CYB561D1: variants seen among roughly 807,000 people sequenced by gnomAD.
CYB561D1 encodes cytochrome b561 family member D1.
CYB561D1 carries 15 observed loss-of-function variants against 19.2 expected under a neutral mutation model. That is an observed-to-expected ratio of 0.78 (90% CI 0.52 to 1.20). The LOEUF (loss-of-function observed/expected upper bound fraction) is 1.20, where lower values mean the gene tolerates loss of function less well. Among genes scored for constraint, CYB561D1 ranks in the 50% most tolerant of loss-of-function variants. The probability of loss-of-function intolerance (pLI) is 0.00; values close to 1 mark genes in which losing one functional copy is unlikely to be tolerated. For synonymous variants in CYB561D1, 133 were observed against 120.6 expected (o/e 1.10, Z -0.68); for missense variants, 297 against 287.3 (o/e 1.03, Z -0.24).
Position 109,494,103 on chromosome 1 carries a change from C to T in CYB561D1, c.-37C>T. ...CGATCGCAAACCCGGAAGACGTGTT[C>T]GGGCAGCTGGAGTGTACGGGCCCGC... On this transcript the variant is annotated 5_prime_UTR_variant, in exon 1 of 3. Transcript: ENST00000420578. 2 of 1,410,688 alleles carry T rather than the reference C, an allele frequency of 1.4e-6. No individual in the cohort carries two copies. Among genetic ancestry groups the T allele is most frequent in the East Asian group, 2.8e-5 (1 of 35,572 alleles). 87.4% of individuals were successfully genotyped at this position (1,410,688 alleles called of 1,614,324 possible).
At chr1:109,494,765 AGGTGGAGGCTG>A in intron 1 of CYB561D1, 1 of 419,888 alleles carries the variant, frequency 2.4e-6, no homozygotes, top group African/African-American at 2.1e-5. Flanking sequence ...TGAACCCGGG[AGGTGGAGGCTG>A]CAGTGAGCCG....
At chr1:109,494,972 T>G (rs1571107064) in intron 1 of CYB561D1, among the ~76,000 whole-genome samples, 171 bp from the exon 2 acceptor site, 2 of 152,222 alleles carry the variant, frequency 1.3e-5, no homozygotes. Context: ...GAGGCCCTCT[T>G]GGTTGCTCAC....
At chr1:109,494,514 C>T (rs1397344438) in intron 1 of CYB561D1, 13 of 1,528,808 alleles carry the variant, frequency 8.5e-6, no homozygotes, top group Non-Finnish European at 1.1e-5. Context: ...CGAACTACTT[C>T]CTCAGAAACA....
intron 1 of CYB561D1, chr1:109,494,682 C>CA (rs1657406887): frequency 1.1e-6 from 1 of 903,374 alleles, no homozygotes; most frequent in Non-Finnish European, 1.5e-6. Flanking sequence ...ACTAAGAATA[C>CA]AAAAATTAGC....
chr1:109,496,199 C>T lies in CYB561D1; in HGVS notation c.630C>T (p.Ala210=), dbSNP rs1657553968. The change falls in exon 3 of 3, where the codon GCC becomes GCT. Residue 210 remains alanine, a synonymous_variant. Transcript: ENST00000420578. ...GCCTGGCACTGCCCGTCTATCCAGC[C>T]CTGGTGATCATGCACCAGATTTCCA... ...YLCLALPVYP[A]LVIMHQISRS... The T allele has an allele frequency of 1.9e-6, 3 of 1,589,440 alleles. No homozygotes were observed. Among genetic ancestry groups the T allele is most frequent in the East Asian group, 2.3e-5 (1 of 44,274 alleles).
rs1657713060 is a variant in CYB561D1, at chr1:109,498,675, T to C, written c.*2416T>C. On this transcript the variant is annotated 3_prime_UTR_variant, in exon 3 of 3. Coordinates refer to ENST00000420578, the MANE Select transcript of CYB561D1 (RefSeq NM_182580.3). ...CCAGCTGCATGGGCTCCTGCTTGTG[T>C]GTTCCCTCCTCCGCCATCCTCTGTT... 1 of 152,320 alleles carries C rather than the reference T, an allele frequency of 6.6e-6. No individual in the cohort carries two copies. The highest frequency in any genetic ancestry group is 1.5e-5 in the Non-Finnish European group (1 of 68,190). The allele number at this position is 152,320 out of a possible 1,614,324, so 9.4% of individuals were successfully genotyped here. A position where few individuals can be genotyped will look rare whatever the true frequency, so the allele number is the denominator to read the frequency against.
Position 109,496,302 on chromosome 1 carries a change from C to T in CYB561D1, c.*43C>T. 1.3e-6 allele frequency: 2 copies of T among 1,521,648 alleles called. No individual in the cohort carries two copies. The highest frequency in any genetic ancestry group is 2.1e-5 in the Admixed American group (1 of 48,166). 94.3% of individuals were successfully genotyped at this position (1,521,648 alleles called of 1,614,324 possible). A position where few individuals can be genotyped will look rare whatever the true frequency, so the allele number is the denominator to read the frequency against. On this transcript the variant is annotated 3_prime_UTR_variant, in exon 3 of 3. Coordinates refer to ENST00000420578, the MANE Select transcript of CYB561D1 (RefSeq NM_182580.3). The stretch of plus-strand genomic sequence containing the variant: ...ATCTAGGTGGGACGCTTGCCTTGAA[C>T]ATCATGGTTCCTTTGGTGATCTATA...
rs1325636359 is a variant in CYB561D1 at position 109,497,368 on chromosome 1, C to G, written c.*1109C>G. 1 of 152,232 alleles carries G rather than the reference C, an allele frequency of 6.6e-6. No homozygotes were observed. The highest frequency in any genetic ancestry group is 1.5e-5 in the Non-Finnish European group (1 of 68,056). 9.4% of individuals were successfully genotyped at this position (152,232 alleles called of 1,614,324 possible). ...AAGTTTCTCTGGTTACCCCTCTTCC[C>G]TTGTTATCTAAGCTTTCCTCAGTTG... is the stretch of plus-strand genomic sequence containing the variant. On this transcript the variant is annotated 3_prime_UTR_variant, in exon 3 of 3. Coordinates refer to ENST00000420578, the MANE Select transcript of CYB561D1 (RefSeq NM_182580.3).
At position 109,499,198 on chromosome 1, in the gene CYB561D1, CCTT is replaced by C. The variant is rs1657757157; in HGVS notation, c.*2943_*2945del. ...TATCTGGGGAAGTCCTCCAGCCTCA[CCTT>C]CTTGGCTCTTAAGTGGTAGGCTGTT... On this transcript the variant is annotated 3_prime_UTR_variant, in exon 3 of 3. Transcript: ENST00000420578. The C allele has an allele frequency of 6.6e-6, 1 of 152,248 alleles. No homozygotes were observed. The highest frequency in any genetic ancestry group is 2.4e-5 in the African/African-American group (1 of 41,398). 9.4% of individuals were successfully genotyped at this position (152,248 alleles called of 1,614,324 possible). A position where few individuals can be genotyped will look rare whatever the true frequency, so the allele number is the denominator to read the frequency against.
In CYB561D1 at chr1:109,495,691, C is replaced by T. The variant is rs546131664; in HGVS notation, c.187-65C>T. On this transcript the variant is annotated intron_variant, in intron 2 of 2. Coordinates refer to ENST00000420578, the MANE Select transcript of CYB561D1 (RefSeq NM_182580.3). ...TCCTCTTTGTTAGGATGTATGAGAGCACCTCCTTTTTCTCAGGCCTCCAAG... is the reference window on the plus strand; with the variant it reads ...TCCTCTTTGTTAGGATGTATGAGAGTACCTCCTTTTTCTCAGGCCTCCAAG... 2.3e-5 allele frequency: 37 copies of T among 1,613,322 alleles called. 1 individual carries two copies. The Middle Eastern group carries it at 6.6e-4, about 29-fold the overall frequency.
rs770034785 is a variant in CYB561D1 at position 109,497,404 on chromosome 1, C to G, written c.*1145C>G. Reference sequence around the variant, plus strand: ...AGCTTTCCTCAGTTGTCATCTCTTCCCAGCTCTTTGGTCCAAGAGGGGGCT... The same window carrying G: ...AGCTTTCCTCAGTTGTCATCTCTTCGCAGCTCTTTGGTCCAAGAGGGGGCT... On this transcript the variant is annotated 3_prime_UTR_variant, in exon 3 of 3. Coordinates refer to ENST00000420578, the MANE Select transcript of CYB561D1 (RefSeq NM_182580.3). The G allele has an allele frequency of 3.9e-5, 6 of 152,250 alleles. No individual in the cohort carries two copies. The highest frequency in any genetic ancestry group is 8.8e-5 in the Non-Finnish European group (6 of 68,076). 9.4% of individuals were successfully genotyped at this position (152,250 alleles called of 1,614,324 possible).
At chr1:109,494,483 A>C (rs944156017) in intron 1 of CYB561D1, 196 bp downstream of exon 1, 3 of 1,545,904 alleles carry the variant, frequency 1.9e-6, no homozygotes, top group Non-Finnish European at 1.7e-6. Flanking sequence ...CTGTGGGGGA[A>C]GGGCAGACGA....
chr1:109,498,139 T>G lies in CYB561D1; in HGVS notation c.*1880T>G, dbSNP rs1332283475. On this transcript the variant is annotated 3_prime_UTR_variant, in exon 3 of 3. Coordinates refer to ENST00000420578, the MANE Select transcript of CYB561D1 (RefSeq NM_182580.3). ...GAGGCTCCTTCTACCTGCCGCAGGG[T>G]AGGAGGGCCAGGCAAAGTTCACCAG... 1 of 152,044 alleles carries G rather than the reference T, an allele frequency of 6.6e-6. No individual in the cohort carries two copies. Among genetic ancestry groups the G allele is most frequent in the African/African-American group, 2.4e-5 (1 of 41,368 alleles). 9.4% of individuals were successfully genotyped at this position (152,044 alleles called of 1,614,324 possible).
In CYB561D1 at chr1:109,499,745, A is replaced by C. The variant is rs555526041; in HGVS notation, c.*3486A>C. On this transcript the variant is annotated 3_prime_UTR_variant, in exon 3 of 3. Coordinates refer to ENST00000420578, the MANE Select transcript of CYB561D1 (RefSeq NM_182580.3). Reference sequence around the variant, plus strand: ...CTAAAGCCTGTTCAGAGTTAATAATAATCATTAGCTGAATGGTGCTGGGGC... The same window carrying C: ...CTAAAGCCTGTTCAGAGTTAATAATCATCATTAGCTGAATGGTGCTGGGGC... 3 of 152,282 alleles carry C rather than the reference A, an allele frequency of 2.0e-5. No homozygotes were observed. The highest frequency in any genetic ancestry group is 3.9e-4 in the East Asian group (2 of 5,170). 9.4% of individuals were successfully genotyped at this position (152,282 alleles called of 1,614,324 possible). A position where few individuals can be genotyped will look rare whatever the true frequency, so the allele number is the denominator to read the frequency against.
rs1557882097 is a variant in CYB561D1 at position 109,497,754 on chromosome 1, T to C, written c.*1495T>C. 6.6e-6 allele frequency: 1 copy of C among 152,300 alleles called. No homozygotes were observed. Among genetic ancestry groups the C allele is most frequent in the African/African-American group, 2.4e-5 (1 of 41,450 alleles). The allele number at this position is 152,300 out of a possible 1,614,324, so 9.4% of individuals were successfully genotyped here. A position where few individuals can be genotyped will look rare whatever the true frequency, so the allele number is the denominator to read the frequency against. On this transcript the variant is annotated 3_prime_UTR_variant, in exon 3 of 3. Transcript: ENST00000420578. ...TGTTCCTAGATGTTAGTGTTGTGGA[T>C]GTCCTTGGTCTTCTGAAGATTCAGG...
Position 109,495,667 on chromosome 1 carries a change from C to T in CYB561D1, c.187-89C>T, listed in dbSNP as rs190752589. On this transcript the variant is annotated intron_variant, in intron 2 of 2. Transcript: ENST00000420578. ...AACTTATTTAACCCTTACCCTTTGT[C>T]CTCTTTGTTAGGATGTATGAGAGCA... 12 of 1,607,058 alleles carry T rather than the reference C, an allele frequency of 7.5e-6. No homozygotes were observed. In the Admixed American group the frequency reaches 1.7e-4, roughly 22 times the overall value.
In CYB561D1 at chr1:109,497,611, G is replaced by A. The variant is rs1394717679; in HGVS notation, c.*1352G>A. 6.6e-6 allele frequency: 1 copy of A among 152,286 alleles called. No individual in the cohort carries two copies. Among genetic ancestry groups the A allele is most frequent in the African/African-American group, 2.4e-5 (1 of 41,458 alleles). 9.4% of individuals were successfully genotyped at this position (152,286 alleles called of 1,614,324 possible). A position where few individuals can be genotyped will look rare whatever the true frequency, so the allele number is the denominator to read the frequency against. ...TAGGATCTCCCTAGATCATGGCAAG[G>A]CCTGACAACAGCTGAGCCAGGAAAG... On this transcript the variant is annotated 3_prime_UTR_variant, in exon 3 of 3. Coordinates refer to ENST00000420578, the MANE Select transcript of CYB561D1 (RefSeq NM_182580.3).
Position 109,494,242 on chromosome 1 carries a change from T to C in CYB561D1, c.103T>C (p.Leu35=). 6.3e-7 allele frequency: 1 copy of C among 1,582,200 alleles called. No homozygotes were observed. Among genetic ancestry groups the C allele is most frequent in the Non-Finnish European group, 8.6e-7 (1 of 1,163,982 alleles). Residue 35 remains leucine, a synonymous_variant, in exon 1 of 3, where the codon TTG becomes CTG. Coordinates refer to ENST00000420578, the MANE Select transcript of CYB561D1 (RefSeq NM_182580.3). ...GSGILAHLVA[L]GFTIFLTALS... ...TGGGATCTTGGCGCACCTGGTAGCT[T>C]TGGGCTTCACCATCTTTCTGACAGC...
rs377408419 is a variant in CYB561D1, at chr1:109,495,919, G to A, written c.350G>A (p.Arg117His). ...GLGFIISSRT[R>H]SELPHLVSWH... is the part of the protein sequence containing the mutation. ...GGCTTCATCATCTCCAGCAGGACCC[G>A]CAGTGAGCTGCCTCATCTGGTGTCC... The change falls in exon 3 of 3, where the codon CGC (arginine) becomes CAC (histidine). Residue 117 changes from arginine to histidine, a missense_variant. Transcript: ENST00000420578. 11 of 1,613,942 alleles carry A rather than the reference G, an allele frequency of 6.8e-6. No homozygotes were observed. In the East Asian group the frequency reaches 1.1e-4, roughly 16 times the overall value.
Sources: allele counts gnomAD v4.1 joint callset (sites outside exome capture counted in the v4.1 genomes callset), GRCh38; gene constraint gnomAD v4.1.1; transcripts MANE v1.5; gene names NCBI Gene and HGNC (gene_info 2026-07-23, HGNC 2026-07-21).